SYT16: variants seen among roughly 807,000 people sequenced by gnomAD.
SYT16 encodes synaptotagmin-16.
A neutral mutation model predicts 61.4 loss-of-function variants in SYT16; 42 were observed. The observed-to-expected ratio is 0.68, with a 90% CI of 0.53 to 0.89. The LOEUF (loss-of-function observed/expected upper bound fraction) is 0.89. Among genes scored for constraint, SYT16 ranks in the 40% least tolerant of loss-of-function variants. SYT16 has a pLI of 0.00. For missense variants in SYT16, 804 were observed against 807.3 expected (o/e 1.00, Z 0.05); for synonymous variants, 314 against 302.3 (o/e 1.04, Z -0.40).
chr14:61,995,962 A>T lies in SYT16; in HGVS notation c.-58A>T. The T allele has an allele frequency of 2.0e-6, 3 of 1,486,046 alleles. No individual in the cohort carries two copies. Among genetic ancestry groups the T allele is most frequent in the Non-Finnish European group, 1.8e-6 (2 of 1,109,268 alleles). 92.1% of individuals were successfully genotyped at this position (1,486,046 alleles called of 1,614,324 possible). On this transcript the variant is annotated 5_prime_UTR_variant, in exon 3 of 8. Coordinates refer to ENST00000683842, the MANE Select transcript of SYT16 (RefSeq NM_001367656.1). The stretch of plus-strand genomic sequence containing the variant: ...CATGCTTATTCTATAGTTCACATTC[A>T]ATCCAGAGCACTGAAGGAACTGAAC...
At chr14:61,827,445 T>G (rs1270208190) in intron 1 of SYT16, among the ~76,000 whole-genome samples, 1 of 152,224 alleles carries the variant, frequency 6.6e-6, no homozygotes. Context: ...TGTTTCTCCC[T>G]TGCTCTTTTT....
intron 3 of SYT16, among the ~76,000 whole-genome samples, chr14:62,067,972 C>T (rs9323379): frequency 0.11 from 16,290 of 151,946 alleles, 2,055 homozygotes; most frequent in African/African-American, 0.3. Flanking sequence ...GGTGGCAGAG[C>T]GAGACTCTGT....
intron 5 of SYT16, among the ~76,000 whole-genome samples, chr14:62,080,541 A>G (rs1566828927): frequency 6.6e-6 from 1 of 152,208 alleles, no homozygotes; most frequent in African/African-American, 2.4e-5. Flanking sequence ...ATCCTGGGCA[A>G]TTGTGCTTTT....
chr14:62,089,810 C>T (rs966426187), intron 7 of SYT16, among the ~76,000 whole-genome samples: 5 of 152,180 alleles, frequency 3.3e-5, no homozygotes, highest in African/African-American at 4.8e-5. Context: ...GCTAATGGTC[C>T]AGATGAAAAA....
chr14:62,058,989 A>G (rs937467020), intron 3 of SYT16, among the ~76,000 whole-genome samples: 5 of 152,156 alleles, frequency 3.3e-5, no homozygotes, highest in Non-Finnish European at 5.9e-5. Flanking sequence ...CAAATACCAC[A>G]TGTTCTCACT....
chr14:61,926,997 A>G (rs1488374685), intron 1 of SYT16, among the ~76,000 whole-genome samples: 1 of 152,224 alleles, frequency 6.6e-6, no homozygotes, highest in East Asian at 1.9e-4. Context: ...ACTCAGCTGT[A>G]ATTATAGGAC....
intron 6 of SYT16, among the ~76,000 whole-genome samples, chr14:62,081,933 G>A (rs1265137128): frequency 6.6e-6 from 1 of 152,158 alleles, no homozygotes; most frequent in African/African-American, 2.4e-5. Flanking sequence ...GATGTTTACT[G>A]TCAATTATGG....
At chr14:61,923,983 A>C (rs2049438117) in intron 1 of SYT16, among the ~76,000 whole-genome samples, 1 of 152,134 alleles carries the variant, frequency 6.6e-6, no homozygotes, top group Non-Finnish European at 1.5e-5. Flanking sequence ...TAAAAGGTAA[A>C]TCTCAGGCGA....
At chr14:61,830,730 A>G (rs898457821) in intron 1 of SYT16, among the ~76,000 whole-genome samples, 1 of 151,952 alleles carries the variant, frequency 6.6e-6, no homozygotes, top group African/African-American at 2.4e-5. Context: ...GCTTCTCCCT[A>G]CAGTCCATGG....
intron 3 of SYT16, among the ~76,000 whole-genome samples, chr14:62,013,266 G>C (rs958599100): frequency 6.6e-6 from 1 of 152,186 alleles, no homozygotes; most frequent in Non-Finnish European, 1.5e-5. Flanking sequence ...CAAGCCACAT[G>C]TATCTGACTC....
chr14:62,041,568 A>G (rs2054731680), intron 3 of SYT16, among the ~76,000 whole-genome samples: 2 of 152,108 alleles, frequency 1.3e-5, no homozygotes, highest in African/African-American at 4.8e-5. Flanking sequence ...GTGCAGTGGC[A>G]TGATCTCAGC....
At chr14:62,087,734 AAG>A (rs2056933772) in intron 7 of SYT16, among the ~76,000 whole-genome samples, 1 of 152,138 alleles carries the variant, frequency 6.6e-6, no homozygotes, top group Non-Finnish European at 1.5e-5. Context: ...TTTTCCTCCT[AAG>A]TAAGACAGAG....
intron 1 of SYT16, among the ~76,000 whole-genome samples, chr14:61,839,636 G>A (rs1362441392): frequency 6.6e-6 from 1 of 152,144 alleles, no homozygotes; most frequent in East Asian, 1.9e-4. Context: ...TGAGAGTGAT[G>A]CACGTTTTGG....
chr14:61,927,048 C>G (rs2049567996), intron 1 of SYT16, among the ~76,000 whole-genome samples: 1 of 152,198 alleles, frequency 6.6e-6, no homozygotes, highest in Non-Finnish European at 1.5e-5. Context: ...TCTGTTACAA[C>G]TCAGCAACAG....
intron 6 of SYT16, among the ~76,000 whole-genome samples, chr14:62,083,777 C>G (rs2056792209): frequency 6.6e-6 from 1 of 152,138 alleles, no homozygotes; most frequent in Admixed American, 6.5e-5. Context: ...CCATATTCAT[C>G]AAGGAGCTGC....
intron 6 of SYT16, among the ~76,000 whole-genome samples, chr14:62,083,609 G>C (rs749205563): frequency 1.3e-5 from 2 of 152,180 alleles, no homozygotes; most frequent in Non-Finnish European, 2.9e-5. Context: ...TTGTAAACGT[G>C]CTCATTTGTA....
chr14:62,098,204 C>T (rs1488181679), intron 7 of SYT16, among the ~76,000 whole-genome samples: 8 of 152,172 alleles, frequency 5.3e-5, no homozygotes, highest in African/African-American at 7.2e-5. Flanking sequence ...TCTGCGTTTA[C>T]GCTTTAAAAA....
chr14:61,934,737 C>G (rs191828851), intron 1 of SYT16, among the ~76,000 whole-genome samples: 8 of 152,278 alleles, frequency 5.3e-5, no homozygotes, highest in Admixed American at 4.6e-4. Context: ...GTTTCCTTAC[C>G]TGCAAAGTGA....
chr14:61,880,018 C>T (rs76019975), intron 1 of SYT16, among the ~76,000 whole-genome samples: 2,855 of 152,296 alleles, frequency 0.019, 32 homozygotes, highest in East Asian at 0.051. Context: ...TGCCTATCAT[C>T]GAATCCAGCA....
Sources: allele counts gnomAD v4.1 joint callset (sites outside exome capture counted in the v4.1 genomes callset), GRCh38; gene constraint gnomAD v4.1.1; transcripts MANE v1.5; gene names NCBI Gene and HGNC (gene_info 2026-07-23, HGNC 2026-07-21).